The following SLC5A11 variants were observed in gnomAD, a reference collection of about 807,000 sequenced individuals.
SLC5A11 encodes the protein solute carrier family 5 member 11, also known as sodium/myo-inositol cotransporter 2.
In SLC5A11, 48 loss-of-function variants were observed where a neutral mutation model predicts 69.8. The ratio of observed to expected loss-of-function variants is 0.69; its 90% CI spans 0.55 to 0.87. SLC5A11 has a LOEUF of 0.87. SLC5A11 is among the 40% of genes least tolerant of loss of function. SLC5A11 has a pLI of 0.00. For synonymous variants in SLC5A11, 319 were observed against 342.4 expected (o/e 0.93, Z 0.75); for missense variants, 784 against 866.1 (o/e 0.91, Z 1.19).
At chr16:24,847,485 T>C (rs1222649300) in intron 1 of SLC5A11, among the ~76,000 whole-genome samples, 1 of 151,974 alleles carries the variant, frequency 6.6e-6, no homozygotes, top group East Asian at 1.9e-4. Flanking sequence ...TGAAATGTAG[T>C]ACTATCATAG....
At chr16:24,872,911 G>C (rs1760835358) in intron 5 of SLC5A11, among the ~76,000 whole-genome samples, 2 of 131,718 alleles carry the variant, frequency 1.5e-5, no homozygotes, top group South Asian at 6.0e-4. Flanking sequence ...GCCAAGGCAG[G>C]CAGGTCACTT....
chr16:24,852,183 CAGAAGTTATAA>C (rs2059343549), intron 1 of SLC5A11, among the ~76,000 whole-genome samples: 1 of 152,096 alleles, frequency 6.6e-6, no homozygotes. Context: ...TTCAGACACA[CAGAAGTTATAA>C]AGAATCACGC....
exon 16 of SLC5A11, chr16:24,911,593 A>G: frequency 6.5e-7 from 1 of 1,527,264 alleles, no homozygotes; most frequent in Non-Finnish European, 9.0e-7. Context: ...TTTTTTAATG[A>G]AAGAAAAAAT....
intron 6 of SLC5A11, 133 bp from the exon 8 acceptor site, chr16:24,877,125 A>C: frequency 6.6e-7 from 1 of 1,508,952 alleles, no homozygotes; most frequent in Non-Finnish European, 8.9e-7. Flanking sequence ...TGGATTAACA[A>C]GGGATGACGT....
At chr16:24,868,840 T>G (rs530958139) in intron 3 of SLC5A11, among the ~76,000 whole-genome samples, 1 of 151,652 alleles carries the variant, frequency 6.6e-6, no homozygotes, top group Admixed American at 6.6e-5. Flanking sequence ...CTTTTTCTTC[T>G]TGCTCCCTCC....
At chr16:24,896,358 G>C (rs1289254655) in intron 9 of SLC5A11, among the ~76,000 whole-genome samples, 1 of 151,922 alleles carries the variant, frequency 6.6e-6, no homozygotes, top group Non-Finnish European at 1.5e-5. Flanking sequence ...AGCTTGACAT[G>C]GTTGTTCATG....
chr16:24,905,853 C>T (rs2050021050), intron 10 of SLC5A11, among the ~76,000 whole-genome samples: 1 of 22,436 alleles, frequency 4.5e-5, no homozygotes, highest in Non-Finnish European at 1.5e-4. Context: ...CAGTATCTTC[C>T]CCCATAGAGT....
At chr16:24,890,754 T>G in intron 8 of SLC5A11, 115 bp from the exon 10 acceptor site, 5 of 945,794 alleles carry the variant, frequency 5.3e-6, no homozygotes, top group Non-Finnish European at 6.8e-6. Flanking sequence ...TTAAGGGGAT[T>G]AACATTTTTG....
At chr16:24,886,057 T>G (rs1201042124) in intron 8 of SLC5A11, among the ~76,000 whole-genome samples, 14 of 148,058 alleles carry the variant, frequency 9.5e-5, no homozygotes, top group African/African-American at 3.0e-4. Flanking sequence ...TTTTTTGAGA[T>G]GAAGTCTCGC....
intron 12 of SLC5A11, 151 bp downstream of exon 13, chr16:24,907,326 G>A (rs1597309274): frequency 2.3e-6 from 2 of 863,540 alleles, no homozygotes; most frequent in South Asian, 1.7e-5. Context: ...GATGCTGAAC[G>A]AGCACCTACT....
chr16:24,863,201 A>T (rs2046713036), intron 3 of SLC5A11, among the ~76,000 whole-genome samples: 1 of 151,290 alleles, frequency 6.6e-6, no homozygotes, highest in Admixed American at 6.6e-5. Context: ...TCATAAAAAT[A>T]AAATTTAAAA....
rs56335988 is a variant in SLC5A11, at chr16:24,905,640, G to GCACA, written c.1007-976_1007-973dup. On this transcript the variant is annotated intron_variant, in intron 10 of 15. Transcript: ENST00000347898. ...CCATCTCAAAAACACGCGCGCGCGC[G>GCACA]CACACACACACACACACACACACAC... is the stretch of plus-strand genomic sequence containing the variant. 2.2e-3 allele frequency among the ~76,000 whole-genome samples: 300 copies of GCACA among 136,752 alleles called. 3 individuals are homozygous for GCACA. The highest frequency in any genetic ancestry group is 0.017 in the East Asian group (77 of 4,600). The allele number at this position is 136,752 out of a possible 152,430, so 89.7% of individuals were successfully genotyped here.
rs572185868 is a variant in SLC5A11, at chr16:24,904,954, G to A, written c.1007-1703G>A. 6.0e-5 allele frequency among the ~76,000 whole-genome samples: 9 copies of A among 150,752 alleles called. No individual in the cohort carries two copies. In the South Asian group the frequency reaches 1.7e-3, roughly 28 times the overall value. On this transcript the variant is annotated intron_variant, in intron 10 of 15. Transcript: ENST00000347898. Reference sequence around the variant, plus strand: ...TCCCTCCCCTTGCCCTCCACCCCCCGACAGGCCCCAGTGTGTGATGTTCCC... The same window carrying A: ...TCCCTCCCCTTGCCCTCCACCCCCCAACAGGCCCCAGTGTGTGATGTTCCC...
chr16:24,900,728 C>T (rs959359315), intron 10 of SLC5A11, among the ~76,000 whole-genome samples: 10 of 151,956 alleles, frequency 6.6e-5, no homozygotes, highest in Admixed American at 2.0e-4. Flanking sequence ...TCGTGGGTAA[C>T]GATACCAGAC....
chr16:24,895,216 T>G (rs988478724), intron 9 of SLC5A11, among the ~76,000 whole-genome samples: 1 of 151,958 alleles, frequency 6.6e-6, no homozygotes, highest in Non-Finnish European at 1.5e-5. Flanking sequence ...CGGCTGGGTG[T>G]GGCAGCTCAT....
Position 24,870,735 on chromosome 16 carries a change from G to A in SLC5A11, c.312+730G>A, listed in dbSNP as rs570198519. ...ACAGAGGCTGCAGTGAGGTGAGATT[G>A]TAACACTGCACTTCAGCCTGGGCGA... On this transcript the variant is annotated intron_variant, in intron 4 of 15. Transcript: ENST00000347898. Among the ~76,000 whole-genome samples the A allele has an allele frequency of 1.0e-4, 13 of 124,260 alleles. No homozygotes were observed. The East Asian group carries it at 3.5e-3, about 34-fold the overall frequency. The allele number at this position is 124,260 out of a possible 152,430, so 81.5% of individuals were successfully genotyped here.
intron 10 of SLC5A11, among the ~76,000 whole-genome samples, chr16:24,905,645 C>CGT (rs2050002806): frequency 2.2e-5 from 1 of 45,432 alleles, no homozygotes; most frequent in Non-Finnish European, 5.6e-5. Context: ...CGCGCGCACA[C>CGT]ACACACACAC....
chr16:24,891,933 G>A (rs139579861), intron 9 of SLC5A11, among the ~76,000 whole-genome samples: 8 of 151,494 alleles, frequency 5.3e-5, no homozygotes, highest in Non-Finnish European at 7.4e-5. Flanking sequence ...GAGAGTGTGG[G>A]AGTGCAATTT....
At chr16:24,906,342 C>CAAAAAAAA (rs753153658) in intron 10 of SLC5A11, among the ~76,000 whole-genome samples, 1 of 76,048 alleles carries the variant, frequency 1.3e-5, no homozygotes. Flanking sequence ...GGCTCCGTCT[C>CAAAAAAAA]AAAAAAAAAA....
Sources: gnomAD v4.1 joint callset for allele counts (sites outside exome capture counted in the v4.1 genomes callset) on GRCh38, gnomAD v4.1.1 for gene constraint, MANE v1.5 for transcripts, NCBI Gene and HGNC (gene_info 2026-07-23, HGNC 2026-07-21) for gene names.